WDFY3: variants seen among roughly 807,000 people sequenced by gnomAD.
WDFY3 encodes the protein WD repeat and FYVE domain containing 3.
A neutral mutation model predicts 409.6 loss-of-function variants in WDFY3; 66 were observed. That is an observed-to-expected ratio of 0.16 (90% CI 0.13 to 0.20). The LOEUF (loss-of-function observed/expected upper bound fraction) is 0.20, where lower values mean the gene tolerates loss of function less well. WDFY3 is among the 10% of genes least tolerant of loss of function. WDFY3 has a pLI of 1.00. For missense variants in WDFY3, 3,031 were observed against 4,298.1 expected, an observed-to-expected ratio of 0.71 and a Z score of 8.24; for synonymous variants, 1,521 against 1,537.1, an observed-to-expected ratio of 0.99 and a Z score of 0.25.
intron 49 of WDFY3, among the ~76,000 whole-genome samples, chr4:84,715,922 AATT>A (rs1261983872): frequency 6.6e-6 from 1 of 151,512 alleles, no homozygotes; most frequent in African/African-American, 2.4e-5. Flanking sequence ...TAAAAAAAGT[AATT>A]ATAATTTTAT....
rs552176936 is a variant in WDFY3, at chr4:84,904,224, GCATTCATT to G, written c.-131-7222_-131-7215del. On this transcript the variant is annotated intron_variant, in intron 2 of 67. Transcript: ENST00000295888. ...ACTGTGAGAAATAAATTTCTGTCAT[GCATTCATT>G]CATTCATTCATTCATTCATTTATTT... Among the ~76,000 whole-genome samples, 9 of 152,164 alleles carry G rather than the reference GCATTCATT, an allele frequency of 5.9e-5. No individual in the cohort carries two copies. The South Asian group carries it at 8.3e-4, about 14-fold the overall frequency.
chr4:84,922,918 T>C (rs1407205626), intron 2 of WDFY3, among the ~76,000 whole-genome samples: 1 of 152,228 alleles, frequency 6.6e-6, no homozygotes, highest in African/African-American at 2.4e-5. Context: ...TTATTTAATT[T>C]ACTCTTTGTA....
intron 6 of WDFY3, among the ~76,000 whole-genome samples, chr4:84,838,015 G>C (rs1213502369): frequency 2.0e-5 from 3 of 152,120 alleles, no homozygotes; most frequent in Non-Finnish European, 4.4e-5. Context: ...ATATAAAAGG[G>C]ATTGACTAAC....
intron 3 of WDFY3, among the ~76,000 whole-genome samples, chr4:84,869,943 A>T (rs1223026241): frequency 2.0e-5 from 3 of 152,236 alleles, no homozygotes; most frequent in Non-Finnish European, 4.4e-5. Context: ...ATTTCTCTTC[A>T]TAGACAGCAA....
chr4:84,834,438 G>A (rs1756258059), intron 7 of WDFY3, among the ~76,000 whole-genome samples: 1 of 151,986 alleles, frequency 6.6e-6, no homozygotes, highest in Non-Finnish European at 1.5e-5. Context: ...CTTGAGCCCA[G>A]GAGTTCGAGA....
intron 13 of WDFY3, among the ~76,000 whole-genome samples, chr4:84,811,822 AG>A (rs1353587828): frequency 6.6e-6 from 1 of 152,178 alleles, no homozygotes; most frequent in Non-Finnish European, 1.5e-5. Flanking sequence ...GGCACCAGAA[AG>A]GTTTCGGATT....
chr4:84,867,165 T>C (rs1009299301), intron 3 of WDFY3, among the ~76,000 whole-genome samples: 1 of 152,198 alleles, frequency 6.6e-6, no homozygotes, highest in Non-Finnish European at 1.5e-5. Flanking sequence ...AAATGTTATC[T>C]TTTCTTCCTT....
At position 84,692,936 on chromosome 4, in the gene WDFY3, T is replaced by A; in HGVS notation, c.8998A>T (p.Ile3000Phe). 1 of 1,613,534 alleles carries A rather than the reference T, an allele frequency of 6.2e-7. No homozygotes were observed. Among genetic ancestry groups the A allele is most frequent in the Non-Finnish European group, 8.5e-7 (1 of 1,179,896 alleles). Reference protein sequence around the residue: ...SVLPGSTSDKIFFHHLDNLRP... With the variant: ...SVLPGSTSDKFFFHHLDNLRP... ...AAGTTGTCTAGATGATGAAAAAAGA[T>A]CTTGTCACTTGTAGATCCTGGTAGG... Residue 3000 changes from isoleucine to phenylalanine, a missense_variant, in exon 59 of 68, where the codon ATC becomes TTC. Ile to Phe is a conservative substitution (Grantham distance 21). Around this residue, in one of 16 missense-constraint regions of WDFY3, gnomAD observed 152 missense variants for 193.5 expected, o/e 0.79. Transcript: ENST00000295888.
At chr4:84,806,299 T>G (rs1751493972) in intron 15 of WDFY3, among the ~76,000 whole-genome samples, 1 of 152,180 alleles carries the variant, frequency 6.6e-6, no homozygotes, top group African/African-American at 2.4e-5. Flanking sequence ...GCAAGCTGAA[T>G]AGAATGGCAA....
chr4:84,855,676 T>C (rs1165307133), intron 4 of WDFY3, among the ~76,000 whole-genome samples: 2 of 152,224 alleles, frequency 1.3e-5, no homozygotes, highest in African/African-American at 4.8e-5. Flanking sequence ...AGTCAGACTA[T>C]GGACCATCAT....
intron 5 of WDFY3, among the ~76,000 whole-genome samples, chr4:84,842,098 A>ATCT (rs1757440677): frequency 6.6e-6 from 1 of 152,198 alleles, no homozygotes; most frequent in African/African-American, 2.4e-5. Flanking sequence ...TAAATGGAGA[A>ATCT]GTCTCTAAAT....
In WDFY3 at chr4:84,829,122, C is replaced by T. The variant is rs755584659; in HGVS notation, c.838G>A (p.Val280Ile). 1.9e-6 allele frequency: 3 copies of T among 1,613,728 alleles called. No individual in the cohort carries two copies. Among genetic ancestry groups the T allele is most frequent in the Non-Finnish European group, 8.5e-7 (1 of 1,179,726 alleles). Residue 280 changes from valine to isoleucine, a missense_variant, in exon 9 of 68, where the codon GTC (valine) becomes ATC (isoleucine). Physicochemically the swap from Val to Ile is conservative, Grantham distance 29 (BLOSUM62 3). This residue lies in a region of WDFY3 where 1,322 missense variants were observed against 1,697.9 expected (regional missense o/e 0.78). Coordinates refer to ENST00000295888, the MANE Select transcript of WDFY3 (RefSeq NM_014991.6). The part of the protein sequence containing the change: ...QSDDLSPLEI[V>I]EMFAGLSCFL... ...CAAGAAAGCCCAGCAAACATTTCGA[C>T]AATTTCTAGGGGAGACAGGTCATCT...
chr4:84,890,507 T>A lies in WDFY3; in HGVS notation c.-32+6404A>T, dbSNP rs578231642. ...CAGAGATCCTAGTACCCAGTAATTA[T>A]CCTGCTGGCTGCTGGGAGGCAGTGC... On this transcript the variant is annotated intron_variant, in intron 3 of 67. Transcript: ENST00000295888. 1.5e-3 allele frequency among the ~76,000 whole-genome samples: 228 copies of A among 152,308 alleles called. No homozygotes were observed. The Middle Eastern group carries it at 0.017, about 11-fold the overall frequency.
chr4:84,801,038 G>A (rs574457635), intron 17 of WDFY3, among the ~76,000 whole-genome samples: 1 of 152,288 alleles, frequency 6.6e-6, no homozygotes, highest in African/African-American at 2.4e-5. Context: ...TGGGCTAAGG[G>A]CTAACGATGT....
chr4:84,798,962 C>T (rs866747393), intron 17 of WDFY3, among the ~76,000 whole-genome samples: 4 of 152,274 alleles, frequency 2.6e-5, no homozygotes, highest in South Asian at 4.1e-4. Flanking sequence ...TACTCTCCAG[C>T]TTCACTGCTC....
chr4:84,737,460 G>C (rs771766434), intron 40 of WDFY3, 94 bp from the exon 41 acceptor site: 325 of 1,358,686 alleles, frequency 2.4e-4, no homozygotes, highest in Non-Finnish European at 2.9e-4. Context: ...TTTACATGTG[G>C]GAATTTCGAC....
chr4:84,911,936 CT>C (rs1365230176), intron 2 of WDFY3, among the ~76,000 whole-genome samples: 3 of 152,148 alleles, frequency 2.0e-5, no homozygotes, highest in African/African-American at 7.2e-5. Flanking sequence ...AGTACAGGCT[CT>C]ACTACCAAAA....
intron 44 of WDFY3, among the ~76,000 whole-genome samples, chr4:84,732,788 C>A (rs1406724363): frequency 6.6e-6 from 1 of 152,066 alleles, no homozygotes; most frequent in East Asian, 1.9e-4. Context: ...CTGATAGACA[C>A]TTAAGTTGAT....
At chr4:84,805,755 T>A (rs1464735950) in intron 15 of WDFY3, among the ~76,000 whole-genome samples, 2 of 152,178 alleles carry the variant, frequency 1.3e-5, no homozygotes, top group Admixed American at 1.3e-4. Flanking sequence ...AAGTAATGGA[T>A]CCCATGTTTG....
Sources: gnomAD v4.1 joint callset for allele counts (sites outside exome capture counted in the v4.1 genomes callset) on GRCh38, gnomAD v4.1.1 for gene constraint, gnomAD v4.1.1 regional missense constraint, MANE v1.5 for transcripts, NCBI Gene and HGNC (gene_info 2026-07-23, HGNC 2026-07-21) for gene names.